The following PTK2 variants were observed in gnomAD, a reference collection of about 807,000 sequenced individuals.
PTK2 encodes focal adhesion kinase 1.
Under a neutral mutation model 150.1 loss-of-function variants are expected in PTK2, and 45 were observed. That is an observed-to-expected ratio of 0.30 (90% CI 0.24 to 0.38). The LOEUF (loss-of-function observed/expected upper bound fraction) is 0.38, where lower values mean the gene tolerates loss of function less well. Among genes scored for constraint, PTK2 ranks in the 10% least tolerant of loss-of-function variants. The pLI is 1.00. For missense variants in PTK2, 919 were observed against 1,307.3 expected (o/e 0.70, Z 4.58); for synonymous variants, 432 against 449.2 (o/e 0.96, Z 0.48).
chr8:140,981,204 CAG>C, intron 1 of PTK2, among the ~76,000 whole-genome samples: 1 of 151,894 alleles, frequency 6.6e-6, no homozygotes, highest in Non-Finnish European at 1.5e-5. Context: ...ATTTTGCCCT[CAG>C]ACTTTATGTC....
At chr8:140,658,869 A>C (rs190712499) in exon 32 of PTK2, 1 of 226,580 alleles carries the variant, frequency 4.4e-6, no homozygotes, top group African/African-American at 2.2e-5. Flanking sequence ...ACACGAAAGT[A>C]AAAGGCAGGT....
At chr8:140,694,944 C>T (rs2100025588) in intron 26 of PTK2, among the ~76,000 whole-genome samples, 1 of 152,190 alleles carries the variant, frequency 6.6e-6, no homozygotes, top group African/African-American at 2.4e-5. Context: ...GGCCCTCACA[C>T]TACACCGCAC....
In PTK2 at chr8:140,950,793, G is replaced by A. The variant is rs781293273; in HGVS notation, c.-121-25044C>T. ...AAGGGGATGGGCACCCCTCACCCCC[G>A]CACTGTTCAGGGGTTAACTGTATAT... On this transcript the variant is annotated intron_variant, in intron 1 of 31. Transcript: ENST00000522684. 3.3e-5 allele frequency among the ~76,000 whole-genome samples: 5 copies of A among 152,214 alleles called. No individual in the cohort carries two copies. In the East Asian group the frequency reaches 5.8e-4, roughly 18 times the overall value.
intron 23 of PTK2, among the ~76,000 whole-genome samples, chr8:140,715,017 T>C (rs1308850008): frequency 2.0e-5 from 3 of 151,774 alleles, no homozygotes; most frequent in African/African-American, 7.3e-5. Flanking sequence ...CGATGGACAC[T>C]GAGAAGGTAA....
exon 32 of PTK2, chr8:140,658,981 T>C (rs1289559910): frequency 4.4e-6 from 1 of 226,050 alleles, no homozygotes; most frequent in African/African-American, 2.2e-5. Flanking sequence ...AACTGAAGGG[T>C]GTTCTAACAA....
intron 1 of PTK2, among the ~76,000 whole-genome samples, chr8:140,965,679 C>T (rs1317677462): frequency 6.6e-6 from 1 of 152,180 alleles, no homozygotes; most frequent in East Asian, 1.9e-4. Context: ...GAGTTCGAGA[C>T]CAGCCTGGCC....
intron 22 of PTK2, among the ~76,000 whole-genome samples, chr8:140,730,962 C>CT (rs1040910962): frequency 2.1e-5 from 3 of 142,360 alleles, no homozygotes; most frequent in African/African-American, 5.1e-5. Flanking sequence ...AACCCCCCCC[C>CT]CCCTTTTTTT....
At chr8:140,872,987 C>T (rs934450811) in intron 4 of PTK2, among the ~76,000 whole-genome samples, 2 of 152,166 alleles carry the variant, frequency 1.3e-5, no homozygotes, top group Non-Finnish European at 2.9e-5. Flanking sequence ...GTTACTTGTA[C>T]CTGTAGTTCA....
rs1441240969 is a variant in PTK2, at chr8:140,706,233, A to G, written c.2143-28T>C. The G allele has an allele frequency of 1.4e-5, 22 of 1,541,656 alleles. No individual in the cohort carries two copies. In the Admixed American group the frequency reaches 3.7e-4, roughly 26 times the overall value. On this transcript the variant is annotated intron_variant, in intron 23 of 31. Coordinates refer to ENST00000522684, the Ensembl canonical transcript of PTK2. ...GTAAAATCAAGAGAGCATCATATGAATGAACCTTTTGATTTTGACAAACCT... is the reference window on the plus strand; with the variant it reads ...GTAAAATCAAGAGAGCATCATATGAGTGAACCTTTTGATTTTGACAAACCT...
At chr8:140,735,124 C>CTTTTAA (rs1173109928) in intron 22 of PTK2, 127 bp downstream of exon 25, 2 of 834,860 alleles carry the variant, frequency 2.4e-6, no homozygotes, top group East Asian at 2.7e-5. Context: ...AAAGTAATTG[C>CTTTTAA]ATTTGAACGA....
intron 3 of PTK2, among the ~76,000 whole-genome samples, chr8:140,885,441 G>T (rs1399892037): frequency 6.6e-6 from 1 of 152,172 alleles, no homozygotes; most frequent in Non-Finnish European, 1.5e-5. Context: ...TGATGTCACA[G>T]AACTTAAGAA....
intron 2 of PTK2, among the ~76,000 whole-genome samples, chr8:140,924,874 G>C (rs1318110511): frequency 1.3e-5 from 2 of 152,170 alleles, no homozygotes; most frequent in Non-Finnish European, 1.5e-5. Flanking sequence ...AAAATAGTGT[G>C]TGAGATTAGA....
chr8:140,819,464 CT>C (rs537419273), intron 8 of PTK2, among the ~76,000 whole-genome samples: 1 of 152,158 alleles, frequency 6.6e-6, no homozygotes, highest in Non-Finnish European at 1.5e-5. Context: ...GGACATTATT[CT>C]TTAGAAATGA....
intron 7 of PTK2, among the ~76,000 whole-genome samples, chr8:140,837,733 A>C (rs1239893726): frequency 6.6e-6 from 1 of 151,612 alleles, no homozygotes; most frequent in East Asian, 1.9e-4. Context: ...TGTCTCAAAC[A>C]AACAAACAAA....
At chr8:140,879,861 AAGG>A (rs2100148183) in intron 3 of PTK2, among the ~76,000 whole-genome samples, 1 of 152,162 alleles carries the variant, frequency 6.6e-6, no homozygotes, top group African/African-American at 2.4e-5. Context: ...TTTCAAGAAC[AAGG>A]AGAAGTTTTA....
intron 1 of PTK2, among the ~76,000 whole-genome samples, chr8:140,991,890 T>C (rs1250614687): frequency 6.6e-6 from 1 of 151,902 alleles, no homozygotes; most frequent in Non-Finnish European, 1.5e-5. Context: ...GCGCCTGTAG[T>C]CCCAGCTACT....
rs1225303418 is a variant in PTK2, at chr8:140,730,313, G to T, written c.2030+4938C>A. Among the ~76,000 whole-genome samples the T allele has an allele frequency of 2.0e-5, 3 of 152,242 alleles. No individual in the cohort carries two copies. In the East Asian group the frequency reaches 5.8e-4, roughly 29 times the overall value. On this transcript the variant is annotated intron_variant, in intron 22 of 31. Transcript: ENST00000522684. ...CCACCAACAGTGGAATAAACTATAGGATATTCACAAATGGAACACTATATA... is the reference window on the plus strand; with the variant it reads ...CCACCAACAGTGGAATAAACTATAGTATATTCACAAATGGAACACTATATA...
intron 1 of PTK2, among the ~76,000 whole-genome samples, chr8:140,998,300 A>C (rs1463779416): frequency 6.6e-6 from 1 of 152,210 alleles, no homozygotes; most frequent in Non-Finnish European, 1.5e-5. Context: ...TTGTAACTCA[A>C]GATAATTTTA....
intron 27 of PTK2, among the ~76,000 whole-genome samples, chr8:140,677,665 T>A (rs1362545299): frequency 6.6e-6 from 1 of 152,222 alleles, no homozygotes; most frequent in African/African-American, 2.4e-5. Flanking sequence ...TGTTCCTCCC[T>A]CACACAATCA....
Sources: allele counts gnomAD v4.1 joint callset (sites outside exome capture counted in the v4.1 genomes callset), GRCh38; gene constraint gnomAD v4.1.1; transcripts MANE v1.5; gene names NCBI Gene and HGNC (gene_info 2026-07-23, HGNC 2026-07-21).